CNTN4: variants seen among roughly 807,000 people sequenced by gnomAD.
CNTN4 encodes contactin 4.
In CNTN4, 77 loss-of-function variants were observed where a neutral mutation model predicts 122.5. That is an observed-to-expected ratio of 0.63 (90% CI 0.52 to 0.76). CNTN4 has a LOEUF of 0.76. Ranked by LOEUF, CNTN4 falls within the 30% of genes least tolerant of loss-of-function variation. CNTN4 has a pLI of 0.00. For missense variants in CNTN4, 1,256 were observed against 1,259.1 expected, an observed-to-expected ratio of 1.00 and a Z score of 0.04; for synonymous variants, 512 against 447.0, an observed-to-expected ratio of 1.15 and a Z score of -1.83.
chr3:2,974,729 A>T (rs1403162831), intron 13 of CNTN4, among the ~76,000 whole-genome samples: 1 of 152,146 alleles, frequency 6.6e-6, no homozygotes, highest in Non-Finnish European at 1.5e-5. Context: ...GACCTTGGGG[A>T]TTTTAACTGG....
intron 3 of CNTN4, among the ~76,000 whole-genome samples, chr3:2,440,937 ATG>A (rs2048418297): frequency 6.7e-6 from 1 of 148,998 alleles, no homozygotes; most frequent in Non-Finnish European, 1.5e-5. Context: ...AAGATTATAT[ATG>A]TGTTTATATT....
chr3:2,557,995 C>A (rs1430332454), intron 3 of CNTN4, among the ~76,000 whole-genome samples: 4 of 152,092 alleles, frequency 2.6e-5, no homozygotes. Flanking sequence ...AATATAAAAT[C>A]TGCAATGGTA....
rs537653563 is a variant in CNTN4 at position 2,776,350 on chromosome 3, T to A, written c.358+30653T>A. On this transcript the variant is annotated intron_variant, in intron 6 of 24. Coordinates refer to ENST00000418658, the MANE Select transcript of CNTN4 (RefSeq NM_175607.3). ...TTTTTGGAAAGAATATTTAGGTATA[T>A]TTAATATTCCACATGAAGGATGTAA... Among the ~76,000 whole-genome samples, 15 of 151,936 alleles carry A rather than the reference T, an allele frequency of 9.9e-5. No individual in the cohort carries two copies. In the East Asian group the frequency reaches 2.9e-3, roughly 29 times the overall value.
intron 15 of CNTN4, among the ~76,000 whole-genome samples, chr3:3,029,273 T>A (rs945523391): frequency 1.1e-4 from 16 of 152,238 alleles, no homozygotes; most frequent in African/African-American, 3.6e-4. Context: ...ATCATGGCTG[T>A]CAGTAATACC....
chr3:2,368,225 G>A (rs1478172076), intron 3 of CNTN4, among the ~76,000 whole-genome samples: 1 of 151,080 alleles, frequency 6.6e-6, no homozygotes, highest in Non-Finnish European at 1.5e-5. Flanking sequence ...ATAGAGACGG[G>A]GTTTCACCAT....
intron 3 of CNTN4, among the ~76,000 whole-genome samples, chr3:2,378,904 C>A (rs1161360670): frequency 2.0e-5 from 3 of 152,026 alleles, no homozygotes; most frequent in Non-Finnish European, 4.4e-5. Context: ...ATACCAATAC[C>A]AATATCACTA....
At chr3:2,718,680 A>G (rs1265114415) in intron 4 of CNTN4, among the ~76,000 whole-genome samples, 1 of 152,200 alleles carries the variant, frequency 6.6e-6, no homozygotes, top group East Asian at 1.9e-4. Context: ...AGAACAACAA[A>G]AATTCACTGT....
intron 3 of CNTN4, among the ~76,000 whole-genome samples, chr3:2,409,428 T>C (rs1334051982): frequency 6.6e-6 from 1 of 152,018 alleles, no homozygotes; most frequent in African/African-American, 2.4e-5. Flanking sequence ...TTTGTATTTT[T>C]AGTAGAGAGA....
chr3:2,295,653 C>G (rs879692217), intron 2 of CNTN4, among the ~76,000 whole-genome samples: 56 of 152,168 alleles, frequency 3.7e-4, no homozygotes, highest in Non-Finnish European at 6.9e-4. Context: ...ATGGTGGTTT[C>G]TTTTACTGTG....
intron 2 of CNTN4, among the ~76,000 whole-genome samples, chr3:2,119,948 A>G (rs9831494): frequency 0.023 from 3,544 of 152,228 alleles, 56 homozygotes; most frequent in South Asian, 0.053. Context: ...GGCAGGATCT[A>G]GTGTAGGTGG....
rs550924914 is a variant in CNTN4 at position 2,212,483 on chromosome 3, C to T, written c.-145+111844C>T. ...AAGTCATGTCTTACATGACACCGGG[C>T]AAGAGGGTTTGTGCAGGGGATCTCC... is the stretch of plus-strand genomic sequence containing the variant. On this transcript the variant is annotated intron_variant, in intron 2 of 24. Transcript: ENST00000418658. Among the ~76,000 whole-genome samples the T allele has an allele frequency of 2.0e-5, 3 of 152,238 alleles. No homozygotes were observed. The East Asian group carries it at 5.8e-4, about 29-fold the overall frequency.
chr3:2,883,092 T>C, intron 8 of CNTN4, 53 bp from the exon 9 acceptor site: 2 of 1,302,820 alleles, frequency 1.5e-6, no homozygotes, highest in Non-Finnish European at 2.2e-6. Flanking sequence ...GAGTTTTACA[T>C]TTTATACATT....
At chr3:3,045,943 G>A (rs765015651) in intron 23 of CNTN4, among the ~76,000 whole-genome samples, 2 of 152,124 alleles carry the variant, frequency 1.3e-5, no homozygotes, top group Admixed American at 6.5e-5. Flanking sequence ...ATGACCTGAT[G>A]GAGCTGAAAA....
intron 2 of CNTN4, among the ~76,000 whole-genome samples, chr3:2,324,313 T>G (rs11714993): frequency 6.6e-6 from 1 of 151,956 alleles, no homozygotes; most frequent in Admixed American, 6.6e-5. Flanking sequence ...TTTCTTCCCA[T>G]GGCATTGCTT....
intron 13 of CNTN4, among the ~76,000 whole-genome samples, chr3:2,981,480 C>T (rs1027312749): frequency 2.0e-5 from 3 of 151,756 alleles, no homozygotes; most frequent in Admixed American, 1.3e-4. Flanking sequence ...CGAGGACTCC[C>T]GTACCCTCAC....
intron 2 of CNTN4, among the ~76,000 whole-genome samples, chr3:2,123,828 A>G (rs1247306607): frequency 1.3e-5 from 2 of 152,234 alleles, no homozygotes; most frequent in Non-Finnish European, 2.9e-5. Context: ...GCAGCTTGAC[A>G]TCATAGCACT....
intron 2 of CNTN4, among the ~76,000 whole-genome samples, chr3:2,300,736 A>G (rs1201831119): frequency 6.6e-6 from 1 of 151,060 alleles, no homozygotes; most frequent in Non-Finnish European, 1.5e-5. Context: ...CATGCCATCT[A>G]ATTTTTTGTA....
intron 14 of CNTN4, among the ~76,000 whole-genome samples, chr3:2,996,376 A>G (rs1695538871): frequency 1.3e-5 from 2 of 152,182 alleles, no homozygotes; most frequent in South Asian, 4.1e-4. Flanking sequence ...CCATCCAGAC[A>G]GGAGGTCTGT....
chr3:2,151,114 G>C (rs2035476068), intron 2 of CNTN4, among the ~76,000 whole-genome samples: 1 of 152,098 alleles, frequency 6.6e-6, no homozygotes, highest in African/African-American at 2.4e-5. Flanking sequence ...TAGTAGAGAT[G>C]GGGTTTTGCC....
Sources: allele counts gnomAD v4.1 joint callset (sites outside exome capture counted in the v4.1 genomes callset), GRCh38; gene constraint gnomAD v4.1.1; transcripts MANE v1.5; gene names NCBI Gene and HGNC (gene_info 2026-07-23, HGNC 2026-07-21).